Variants in CCN6 observed in about 807,000 individuals in gnomAD.
CCN6 encodes the protein CCN family member 6.
Under a neutral mutation model 37.4 loss-of-function variants are expected in CCN6, and 31 were observed. The observed-to-expected ratio is 0.83, with a 90% CI of 0.62 to 1.12. The LOEUF (loss-of-function observed/expected upper bound fraction) is 1.12, where lower values mean the gene tolerates loss of function less well. CCN6 is among the 50% of genes most tolerant of loss of function. The pLI, the probability that CCN6 is intolerant of heterozygous loss-of-function variation, is 0.00. For missense variants in CCN6, 369 were observed against 413.8 expected (o/e 0.89, Z 0.94); for synonymous variants, 137 against 142.1 (o/e 0.96, Z 0.26).
intron 1 of CCN6, chr6:112,060,145 G>T: frequency 7.5e-7 from 1 of 1,330,880 alleles, no homozygotes; most frequent in Non-Finnish European, 1.0e-6. Flanking sequence ...AGGATGCAGG[G>T]CCATGGTGGC....
chr6:112,058,999 T>C (rs907034344), intron 1 of CCN6, among the ~76,000 whole-genome samples: 9 of 152,112 alleles, frequency 5.9e-5, no homozygotes, highest in Admixed American at 1.3e-4. Flanking sequence ...AACTAATAAG[T>C]TGTAAGCTTA....
chr6:112,055,297 C>T (rs587715815), intron 1 of CCN6, among the ~76,000 whole-genome samples: 1 of 152,268 alleles, frequency 6.6e-6, no homozygotes, highest in South Asian at 2.1e-4. Context: ...TGTGGAGGGG[C>T]TCACTCCCCT....
At chr6:112,052,871 A>G (rs1221205234), upstream of CCN6, among the ~76,000 whole-genome samples, 1 of 152,116 alleles carries the variant, frequency 6.6e-6, no homozygotes. Flanking sequence ...TAGGGTGTCC[A>G]TGGTTCTCCA....
intron 4 of CCN6, 27 bp downstream of exon 4, chr6:112,068,425 T>A: frequency 6.4e-7 from 1 of 1,568,026 alleles, no homozygotes; most frequent in Non-Finnish European, 8.7e-7. Context: ...TTTAACTTAA[T>A]TCAATATTAA....
At chr6:112,065,705 A>C (rs1554313864) in intron 3 of CCN6, among the ~76,000 whole-genome samples, 1 of 152,114 alleles carries the variant, frequency 6.6e-6, no homozygotes, top group East Asian at 1.9e-4. Context: ...CTATGTTCTC[A>C]GAAAAATGAA....
rs1554312737 is a variant in CCN6, at chr6:112,061,094, C to A, written c.152C>A (p.Pro51His). Residue 51 changes from proline (P) to histidine (H), a missense_variant, in exon 2 of 5, where the codon CCC becomes CAC. Physicochemically the swap from Pro to His is moderately conservative, Grantham distance 77. Coordinates refer to ENST00000368666, the MANE Select transcript of CCN6 (RefSeq NM_198239.2). Reference sequence around the variant, plus strand: ...CAGCGTAAACAGTTTTGTCACTGGCCCTGCAAATGCCCTCAGCAGAAGCCC... The same window carrying A: ...CAGCGTAAACAGTTTTGTCACTGGCACTGCAAATGCCCTCAGCAGAAGCCC... Reference protein sequence around the residue: ...APQRKQFCHWPCKCPQQKPRC... With the variant: ...APQRKQFCHWHCKCPQQKPRC... The A allele has an allele frequency of 6.2e-7, 1 of 1,614,016 alleles. No homozygotes were observed. The highest frequency in any genetic ancestry group is 1.3e-5 in the African/African-American group (1 of 74,900).
In CCN6 at chr6:112,068,241, G is replaced by A. The variant is rs782786178; in HGVS notation, c.626G>A (p.Cys209Tyr). ...RNLPLIWKKK[C>Y]LVQATKWTPC... is the part of the protein sequence containing the mutation. Reference sequence around the variant, plus strand: ...CTCCCACTTATTTGGAAAAAAAAATGTCTTGTGCAAGCAACAAAATGGACT... The same window carrying A: ...CTCCCACTTATTTGGAAAAAAAAATATCTTGTGCAAGCAACAAAATGGACT... The change falls in exon 4 of 5, where the codon TGT becomes TAT. Residue 209 changes from cysteine (C) to tyrosine (Y), a missense_variant. Physicochemically the swap from Cys to Tyr is radical, Grantham distance 194 (BLOSUM62 -2). Coordinates refer to ENST00000368666, the MANE Select transcript of CCN6 (RefSeq NM_198239.2). 1 of 1,610,800 alleles carries A rather than the reference G, an allele frequency of 6.2e-7. No individual in the cohort carries two copies. The highest frequency in any genetic ancestry group is 1.1e-5 in the South Asian group (1 of 90,230).
chr6:112,053,432 G>C (rs1168273573), upstream of CCN6, among the ~76,000 whole-genome samples: 1 of 151,324 alleles, frequency 6.6e-6, no homozygotes, highest in Non-Finnish European at 1.5e-5. Context: ...AAGCAGCTGG[G>C]ATTACAGGCG....
At chr6:112,068,182 G>GTACTTTTT (rs1562599030) in intron 3 of CCN6, 23 bp from the exon 4 acceptor site, 1 of 1,578,180 alleles carries the variant, frequency 6.3e-7, no homozygotes, top group South Asian at 1.1e-5. Flanking sequence ...GTATACATAT[G>GTACTTTTT]TACTTTTCTC....
At chr6:112,065,096 G>A (rs1212059591) in intron 3 of CCN6, 99 bp downstream of exon 3, 18 of 1,561,810 alleles carry the variant, frequency 1.2e-5, no homozygotes, top group Non-Finnish European at 1.4e-5. Context: ...TTGTTGATTG[G>A]TGGTCAGAGT....
At chr6:112,060,129 G>A (rs898876693) in intron 1 of CCN6, 13 of 1,344,520 alleles carry the variant, frequency 9.7e-6, no homozygotes, top group Non-Finnish European at 1.2e-5. Context: ...GGGGAGGGGG[G>A]ACCACAGGAT....
At chr6:112,068,172 G>A in intron 3 of CCN6, 33 bp from the exon 4 acceptor site, 2 of 1,498,246 alleles carry the variant, frequency 1.3e-6, no homozygotes, top group Non-Finnish European at 9.1e-7. Context: ...ACATTTATAT[G>A]TATACATATG....
intron 2 of CCN6, among the ~76,000 whole-genome samples, chr6:112,063,903 AT>A (rs1387865813): frequency 6.6e-6 from 1 of 152,230 alleles, no homozygotes; most frequent in Non-Finnish European, 1.5e-5. Context: ...TATTCTATGT[AT>A]ATTTCCTATT....
upstream of CCN6, among the ~76,000 whole-genome samples, chr6:112,053,299 CT>C (rs67916118): frequency 0.76 from 108,792 of 142,488 alleles, 41,452 homozygotes; most frequent in East Asian, 0.93. Context: ...TATTTTTAAT[CT>C]TTTTTTTTTT....
rs782039165 is a variant in CCN6, at chr6:112,054,322, C to T, written c.-36C>T. The T allele has an allele frequency of 1.2e-6, 2 of 1,614,004 alleles. No individual in the cohort carries two copies. Among genetic ancestry groups the T allele is most frequent in the Non-Finnish European group, 1.7e-6 (2 of 1,180,012 alleles). ...CGGAGCAATGAACAAGCGGCGACTT[C>T]TCTACCCCTCAGGGTGGCTCCACGG... On this transcript the variant is annotated 5_prime_UTR_variant, in exon 1 of 5. Transcript: ENST00000368666.
chr6:112,064,441 C>T (rs1350557320), intron 2 of CCN6, among the ~76,000 whole-genome samples: 4 of 152,176 alleles, frequency 2.6e-5, no homozygotes, highest in African/African-American at 9.7e-5. Context: ...TCTGAGAAAA[C>T]CTGTCTCACT....
rs1554312795 is a variant in CCN6, at chr6:112,061,215, C to G, written c.273C>G (p.Leu91=). ...GGGAAATCTGCAATGAAGCTGACCT[C>G]TGTGACCCACACAAAGGGCTGTATT... ...QPGEICNEAD[L]CDPHKGLYCD... is the part of the protein sequence containing the mutation. Residue 91 remains leucine (L), a synonymous_variant, in exon 2 of 5, where the codon CTC becomes CTG. Transcript: ENST00000368666. 2 of 1,614,216 alleles carry G rather than the reference C, an allele frequency of 1.2e-6. No individual in the cohort carries two copies. The highest frequency in any genetic ancestry group is 1.7e-5 in the Admixed American group (1 of 60,016).
intron 3 of CCN6, among the ~76,000 whole-genome samples, chr6:112,067,896 A>G (rs1266700054): frequency 6.6e-6 from 1 of 152,154 alleles, no homozygotes; most frequent in African/African-American, 2.4e-5. Context: ...ACAGGAACAT[A>G]AGCTTAGGTT....
intron 1 of CCN6, among the ~76,000 whole-genome samples, chr6:112,057,474 G>A (rs78792648): frequency 0.023 from 3,528 of 152,254 alleles, 150 homozygotes; most frequent in African/African-American, 0.082. Flanking sequence ...CTGGGAAGAC[G>A]AGGACAATAC....
Sources: gnomAD v4.1 joint callset for allele counts (sites outside exome capture counted in the v4.1 genomes callset) on GRCh38, gnomAD v4.1.1 for gene constraint, MANE v1.5 for transcripts, NCBI Gene and HGNC (gene_info 2026-07-23, HGNC 2026-07-21) for gene names.